RRAGD: variants seen among roughly 807,000 people sequenced by gnomAD.
The protein encoded by RRAGD is Ras related GTP binding D.
A neutral mutation model predicts 35.5 loss-of-function variants in RRAGD; 12 were observed. That is an observed-to-expected ratio of 0.34 (90% CI 0.22 to 0.55). RRAGD has a LOEUF of 0.55. Among genes scored for constraint, RRAGD ranks in the 20% least tolerant of loss-of-function variants. The pLI, the probability that RRAGD is intolerant of heterozygous loss-of-function variation, is 0.91. For missense variants in RRAGD, 324 were observed against 490.1 expected, an observed-to-expected ratio of 0.66 and a Z score of 3.20; for synonymous variants, 155 against 178.9, an observed-to-expected ratio of 0.87 and a Z score of 1.07.
intron 6 of RRAGD, 125 bp from the exon 7 acceptor site, chr6:89,368,332 G>T: frequency 2.8e-6 from 2 of 711,830 alleles, no homozygotes; most frequent in Non-Finnish European, 4.3e-6. Flanking sequence ...AAGGACCAGA[G>T]ATTTCCCTGG....
intron 5 of RRAGD, among the ~76,000 whole-genome samples, chr6:89,376,146 T>C (rs958915963): frequency 6.6e-6 from 1 of 152,212 alleles, no homozygotes; most frequent in Admixed American, 6.5e-5. Flanking sequence ...ATAAGGTTTA[T>C]TTCTAAAGCC....
chr6:89,406,798 C>T (rs1562468758), intron 1 of RRAGD, among the ~76,000 whole-genome samples: 1 of 152,162 alleles, frequency 6.6e-6, no homozygotes, highest in Non-Finnish European at 1.5e-5. Flanking sequence ...AAAGAGCACC[C>T]TGTAACACAT....
In RRAGD at chr6:89,411,919, C is replaced by G. The variant is rs1390228108; in HGVS notation, c.75G>C (p.Leu25=). The stretch of plus-strand genomic sequence containing the variant: ...CGTCTCCGTAGTCCGCTAGCCCCAC[C>G]AGCTCATCCTCCTCCTCCTCCTCCT... The part of the protein sequence containing the change: ...DAEEEEEEDE[L]VGLADYGDGP... The change falls in exon 1 of 7, where the codon CTG becomes CTC. Residue 25 remains leucine, a synonymous_variant. Transcript: ENST00000369415. This position sits in a 1 kb window ranked among gnomAD's most constrained non-coding sequence, Gnocchi z 5.6. 6.5e-7 allele frequency: 1 copy of G among 1,545,478 alleles called. No homozygotes were observed. Among genetic ancestry groups the G allele is most frequent in the Non-Finnish European group, 8.7e-7 (1 of 1,147,740 alleles).
At chr6:89,407,159 A>C (rs1217876300) in intron 1 of RRAGD, among the ~76,000 whole-genome samples, 1 of 152,184 alleles carries the variant, frequency 6.6e-6, no homozygotes, top group Non-Finnish European at 1.5e-5. Flanking sequence ...CAAGAGGAGA[A>C]GGTCGACCAG....
Position 89,411,612 on chromosome 6 carries a change from C to T in RRAGD, c.148+234G>A, listed in dbSNP as rs1306816627. Reference sequence around the variant, plus strand: ...CTCCTCCAGCCCAGACGCTTACTCCCTCCTTCCCCTTTTCCACCGATCCTG... The same window carrying T: ...CTCCTCCAGCCCAGACGCTTACTCCTTCCTTCCCCTTTTCCACCGATCCTG... On this transcript the variant is annotated intron_variant, in intron 1 of 6. Transcript: ENST00000369415. This position sits in a 1 kb window ranked among gnomAD's most constrained non-coding sequence, Gnocchi z 5.6. The T allele has an allele frequency of 1.8e-6, 1 of 560,320 alleles. No homozygotes were observed. Among genetic ancestry groups the T allele is most frequent in the African/African-American group, 2.0e-5 (1 of 50,146 alleles). The allele number at this position is 560,320 out of a possible 1,614,324, so 34.7% of individuals were successfully genotyped here. A position where few individuals can be genotyped will look rare whatever the true frequency, so the allele number is the denominator to read the frequency against.
intron 6 of RRAGD, among the ~76,000 whole-genome samples, chr6:89,369,339 G>A (rs1156473150): frequency 2.6e-5 from 4 of 152,234 alleles, no homozygotes; most frequent in Non-Finnish European, 5.9e-5. Flanking sequence ...TGAGATGTGA[G>A]AGCCTCAAGA....
intron 2 of RRAGD, among the ~76,000 whole-genome samples, chr6:89,381,158 T>C (rs922543764): frequency 6.6e-6 from 1 of 152,190 alleles, no homozygotes; most frequent in African/African-American, 2.4e-5. Context: ...CCTGTGCCTG[T>C]TTCTTAAAAG....
In RRAGD at chr6:89,397,172, C is replaced by T. The variant is rs186473029; in HGVS notation, c.149-9582G>A. ...AATCATTATAAAATGTAAATCAAAA[C>T]TATAATGAGATACTATTACATACCC... On this transcript the variant is annotated intron_variant, in intron 1 of 6. Coordinates refer to ENST00000369415, the MANE Select transcript of RRAGD (RefSeq NM_021244.5). Among the ~76,000 whole-genome samples the T allele has an allele frequency of 1.2e-4, 18 of 152,220 alleles. No individual in the cohort carries two copies. In the East Asian group the frequency reaches 3.5e-3, roughly 29 times the overall value.
intron 1 of RRAGD, among the ~76,000 whole-genome samples, chr6:89,392,197 G>A (rs1279022660): frequency 3.3e-5 from 5 of 152,056 alleles, no homozygotes; most frequent in African/African-American, 1.2e-4. Flanking sequence ...AAAGGAGCTG[G>A]GCACAGTGGC....
chr6:89,381,489 A>AC (rs1769042574), intron 2 of RRAGD, among the ~76,000 whole-genome samples: 1 of 151,758 alleles, frequency 6.6e-6, no homozygotes, highest in Non-Finnish European at 1.5e-5. Flanking sequence ...CTATCCCTCT[A>AC]CCCCCTCATC....
chr6:89,404,160 T>G (rs906683346), intron 1 of RRAGD, among the ~76,000 whole-genome samples: 1 of 152,204 alleles, frequency 6.6e-6, no homozygotes, highest in East Asian at 1.9e-4. Context: ...TTCCTATTAG[T>G]CTAAAATTTG....
In RRAGD at chr6:89,367,627, T is replaced by C. The variant is rs1258957611; in HGVS notation, c.*429A>G. The C allele has an allele frequency of 6.5e-6, 1 of 154,118 alleles. No homozygotes were observed. Among genetic ancestry groups the C allele is most frequent in the Non-Finnish European group, 1.4e-5 (1 of 69,370 alleles). The allele number at this position is 154,118 out of a possible 1,614,324, so 9.5% of individuals were successfully genotyped here. ...AAGTCATTACCAATGCATCACTTTT[T>C]GATTAATTTCTGATTGCCATATAGA... On this transcript the variant is annotated 3_prime_UTR_variant, in exon 7 of 7. Transcript: ENST00000369415.
In RRAGD at chr6:89,383,257, T is replaced by G. The variant is rs558424933; in HGVS notation, c.445-2890A>C. On this transcript the variant is annotated intron_variant, in intron 2 of 6. Coordinates refer to ENST00000369415, the MANE Select transcript of RRAGD (RefSeq NM_021244.5). ...TGAGGAGGGGAGTTAAGGGAACATG[T>G]CTGTGAGCAAAACTACCCAATGTCA... Among the ~76,000 whole-genome samples the G allele has an allele frequency of 6.2e-4, 95 of 152,300 alleles. No homozygotes were observed. The Middle Eastern group carries it at 0.01, about 16-fold the overall frequency.
At position 89,399,115 on chromosome 6, in the gene RRAGD, G is replaced by A. The variant is rs550463191; in HGVS notation, c.149-11525C>T. ...GCTAGATATGGGCGTAGATTTTAAT[G>A]TTTCTCCAGCAGGGTCTGTAAGTCT... On this transcript the variant is annotated intron_variant, in intron 1 of 6. Coordinates refer to ENST00000369415, the MANE Select transcript of RRAGD (RefSeq NM_021244.5). Among the ~76,000 whole-genome samples the A allele has an allele frequency of 2.6e-5, 4 of 152,290 alleles. No individual in the cohort carries two copies. In the South Asian group the frequency reaches 8.3e-4, roughly 32 times the overall value.
chr6:89,382,571 C>A (rs1042501299), intron 2 of RRAGD, among the ~76,000 whole-genome samples: 2 of 150,848 alleles, frequency 1.3e-5, no homozygotes, highest in African/African-American at 2.4e-5. Context: ...TGAGAGCCTG[C>A]CTGTAAAAAT....
rs1248376911 is a variant in RRAGD at position 89,411,986 on chromosome 6, T to G, written c.8A>C (p.Gln3Pro). 1 of 1,530,864 alleles carries G rather than the reference T, an allele frequency of 6.5e-7. No individual in the cohort carries two copies. The highest frequency in any genetic ancestry group is 1.2e-5 in the South Asian group (1 of 83,456). 94.8% of individuals were successfully genotyped at this position (1,530,864 alleles called of 1,614,324 possible). MS[Q>P]VLGKPQPQDE... The stretch of plus-strand genomic sequence containing the variant: ...CTGCGGCTGCGGCTTCCCCAGCACC[T>G]GGCTCATCGTGCCCACCGGCCGGCC... Residue 3 changes from glutamine (Q) to proline (P), a missense_variant, in exon 1 of 7, where the codon CAG becomes CCG. This residue lies in a region of RRAGD where 96 missense variants were observed against 78.7 expected (regional missense o/e 1.22). Coordinates refer to ENST00000369415, the MANE Select transcript of RRAGD (RefSeq NM_021244.5). The surrounding 1 kb of genome is among the most constrained non-coding windows in gnomAD (Gnocchi z 5.6).
At chr6:89,406,769 C>G (rs1373999414) in intron 1 of RRAGD, among the ~76,000 whole-genome samples, 3 of 152,194 alleles carry the variant, frequency 2.0e-5, no homozygotes, top group Non-Finnish European at 4.4e-5. Flanking sequence ...TTAACACAAG[C>G]CCATAGATGG....
chr6:89,393,301 A>G (rs960243239), intron 1 of RRAGD, among the ~76,000 whole-genome samples: 4 of 152,240 alleles, frequency 2.6e-5, no homozygotes, highest in African/African-American at 7.2e-5. Context: ...TATGAATGGC[A>G]GAGTTCTGCT....
At chr6:89,375,041 T>C (rs115177485) in intron 5 of RRAGD, among the ~76,000 whole-genome samples, 1,857 of 152,302 alleles carry the variant, frequency 0.012, 30 homozygotes, top group African/African-American at 0.042. Flanking sequence ...TATTAAACAC[T>C]GTTTATTAAC....
Sources: gnomAD v4.1 joint callset for allele counts (sites outside exome capture counted in the v4.1 genomes callset) on GRCh38, gnomAD v4.1.1 for gene constraint, gnomAD v4.1.1 regional missense constraint, Gnocchi (gnomAD v3.1) non-coding constraint, MANE v1.5 for transcripts, NCBI Gene and HGNC (gene_info 2026-07-23, HGNC 2026-07-21) for gene names.